The following PLXNA4 variants were observed in gnomAD, a reference collection of about 807,000 sequenced individuals.
The protein encoded by PLXNA4 is plexin A4, also known as plexin-A4.
Under a neutral mutation model 191.8 loss-of-function variants are expected in PLXNA4, and 44 were observed. The observed-to-expected ratio is 0.23, with a 90% CI of 0.18 to 0.29. PLXNA4 has a LOEUF of 0.29. PLXNA4 is among the 10% of genes least tolerant of loss of function. The pLI is 1.00. For missense variants in PLXNA4, 1,800 were observed against 2,488.8 expected (o/e 0.72, Z 5.89); for synonymous variants, 1,082 against 1,009.5 (o/e 1.07, Z -1.36).
chr7:132,350,215 A>G (rs1803425317), intron 3 of PLXNA4, among the ~76,000 whole-genome samples: 4 of 152,302 alleles, frequency 2.6e-5, no homozygotes, highest in Admixed American at 2.6e-4. Flanking sequence ...AGAATACATT[A>G]ACTCAGGGCC....
chr7:132,572,345 T>A (rs576660391), intron 1 of PLXNA4, among the ~76,000 whole-genome samples: 5 of 152,342 alleles, frequency 3.3e-5, no homozygotes, highest in African/African-American at 7.2e-5. Flanking sequence ...GAGTGCTCAA[T>A]AAATATTGGC....
chr7:132,207,839 G>T (rs1797675907), intron 10 of PLXNA4, among the ~76,000 whole-genome samples: 3 of 152,190 alleles, frequency 2.0e-5, no homozygotes, highest in Admixed American at 2.0e-4. Context: ...TGTACTCCCA[G>T]GAATAACACC....
intron 3 of PLXNA4, among the ~76,000 whole-genome samples, chr7:132,332,429 G>A (rs758777476): frequency 4.6e-5 from 7 of 152,246 alleles, no homozygotes; most frequent in South Asian, 2.1e-4. Flanking sequence ...GCCTTGTCCC[G>A]GCTGGCTGAG....
intron 4 of PLXNA4, among the ~76,000 whole-genome samples, chr7:132,258,280 G>T (rs1799502627): frequency 6.6e-6 from 1 of 152,360 alleles, no homozygotes; most frequent in East Asian, 1.9e-4. Context: ...GCAAAGGGTG[G>T]CATTGGTGAC....
Position 132,584,285 on chromosome 7 carries a change from T to C in PLXNA4, c.-87+61643A>G, listed in dbSNP as rs531667982. 1.3e-4 allele frequency among the ~76,000 whole-genome samples: 20 copies of C among 152,346 alleles called. No homozygotes were observed. In the South Asian group the frequency reaches 3.9e-3, roughly 30 times the overall value. Reference sequence around the variant, plus strand: ...AACTGTTCTTTCCAAGTCCTGTAGGTAAGGAGCCTTTACTCGTGGTTTTTG... The same window carrying C: ...AACTGTTCTTTCCAAGTCCTGTAGGCAAGGAGCCTTTACTCGTGGTTTTTG... On this transcript the variant is annotated intron_variant, in intron 2 of 4. Transcript: ENST00000378539.
In PLXNA4 at chr7:132,198,570, G is replaced by A. The variant is rs553027844; in HGVS notation, c.2653C>T (p.Leu885=). 1 of 1,614,252 alleles carries A rather than the reference G, an allele frequency of 6.2e-7. No homozygotes were observed. The highest frequency in any genetic ancestry group is 1.7e-5 in the Admixed American group (1 of 60,034). Residue 885 remains leucine, a synonymous_variant, in exon 13 of 32, where the codon CTG becomes TTG. Coordinates refer to ENST00000321063, the MANE Select transcript of PLXNA4 (RefSeq NM_020911.2). ...TGGGAGGCGATGTCGCGAAATTCCA[G>A]GCCCAGGTTCTCCCCTCGGATAGTG... The part of the protein sequence containing the change: ...KVTIRGENLG[L]EFRDIASHVK...
chr7:132,402,827 A>G (rs56736425), intron 3 of PLXNA4, among the ~76,000 whole-genome samples: 9,092 of 152,322 alleles, frequency 0.06, 728 homozygotes, highest in African/African-American at 0.18. Context: ...CACCTCCAGC[A>G]TGGACAGAAA....
intron 2 of PLXNA4, among the ~76,000 whole-genome samples, chr7:132,591,538 A>G (rs944616668): frequency 6.6e-6 from 1 of 152,236 alleles, no homozygotes; most frequent in Non-Finnish European, 1.5e-5. Context: ...CATATAATAT[A>G]CATAATGCAT....
rs1795353338 is a variant in PLXNA4 at position 132,433,483 on chromosome 7, T to C, written c.1371+55809A>G. Among the ~76,000 whole-genome samples, 2 of 152,150 alleles carry C rather than the reference T, an allele frequency of 1.3e-5. 1 individual carries two copies. The highest frequency in any genetic ancestry group is 4.1e-4 in the South Asian group (2 of 4,822). ...CATGTGGCCACGGCCACAGCAGAAC[T>C]GTTCTAAGATAGGGCGTCTTTCTGA... On this transcript the variant is annotated intron_variant, in intron 3 of 31. Coordinates refer to ENST00000321063, the MANE Select transcript of PLXNA4 (RefSeq NM_020911.2).
chr7:132,592,893 T>C (rs1206313155), intron 2 of PLXNA4, among the ~76,000 whole-genome samples: 2 of 151,920 alleles, frequency 1.3e-5, no homozygotes, highest in African/African-American at 4.8e-5. Context: ...GAAGACCTTG[T>C]TTTGCCACAT....
At chr7:132,577,528 A>G (rs1440356232), upstream of PLXNA4, among the ~76,000 whole-genome samples, 3 of 151,474 alleles carry the variant, frequency 2.0e-5, no homozygotes, top group Non-Finnish European at 4.4e-5. Flanking sequence ...AGCGGCCGGC[A>G]GAGGGGGCAG....
intron 1 of PLXNA4, among the ~76,000 whole-genome samples, chr7:132,517,186 C>T (rs1798975600): frequency 1.3e-5 from 2 of 152,280 alleles, no homozygotes; most frequent in South Asian, 2.1e-4. Flanking sequence ...CTTCCCTATG[C>T]GTGAGGCTGC....
chr7:132,601,394 CA>C (rs1420255996), intron 2 of PLXNA4, among the ~76,000 whole-genome samples: 4 of 152,168 alleles, frequency 2.6e-5, no homozygotes, highest in Non-Finnish European at 2.9e-5. Context: ...GCTAGGCACA[CA>C]ACCATCTGAA....
At chr7:132,351,945 G>A (rs1393645435) in intron 3 of PLXNA4, among the ~76,000 whole-genome samples, 1 of 152,202 alleles carries the variant, frequency 6.6e-6, no homozygotes, top group African/African-American at 2.4e-5. Context: ...TATTAAGCCT[G>A]TTATTAGGCT....
chr7:132,595,748 CA>C (rs1184864909), intron 2 of PLXNA4, among the ~76,000 whole-genome samples: 11 of 152,200 alleles, frequency 7.2e-5, no homozygotes, highest in Non-Finnish European at 1.3e-4. Context: ...AGTATTGTGA[CA>C]AAGTTGCTTC....
chr7:132,444,006 GTTCT>G (rs1284560433), intron 3 of PLXNA4, among the ~76,000 whole-genome samples: 3 of 152,184 alleles, frequency 2.0e-5, no homozygotes, highest in African/African-American at 7.2e-5. Context: ...CCCTGCCTTT[GTTCT>G]TTCTCTGCAA....
intron 16 of PLXNA4, among the ~76,000 whole-genome samples, chr7:132,185,001 C>T (rs1007537811): frequency 3.3e-5 from 5 of 152,150 alleles, no homozygotes; most frequent in Admixed American, 3.3e-4. Flanking sequence ...GCCTGGCACC[C>T]CCAGCAGTCA....
chr7:132,224,607 T>C (rs1190774452), intron 8 of PLXNA4, among the ~76,000 whole-genome samples: 2 of 152,188 alleles, frequency 1.3e-5, no homozygotes, highest in African/African-American at 4.8e-5. Flanking sequence ...CTTAAAATCA[T>C]TTTATGGGCT....
intron 3 of PLXNA4, among the ~76,000 whole-genome samples, chr7:132,314,458 G>A (rs1485823964): frequency 6.6e-6 from 1 of 152,164 alleles, no homozygotes; most frequent in Non-Finnish European, 1.5e-5. Flanking sequence ...TCATGCCAAT[G>A]CCCATGACCG....
Sources: gnomAD v4.1 joint callset for allele counts (sites outside exome capture counted in the v4.1 genomes callset) on GRCh38, gnomAD v4.1.1 for gene constraint, MANE v1.5 for transcripts, NCBI Gene and HGNC (gene_info 2026-07-23, HGNC 2026-07-21) for gene names.